The following ETV5 variants were observed in gnomAD, a reference collection of about 807,000 sequenced individuals.
The protein encoded by ETV5 is ETS variant transcription factor 5.
A neutral mutation model predicts 70.0 loss-of-function variants in ETV5; 10 were observed. The ratio of observed to expected loss-of-function variants is 0.14; its 90% CI spans 0.09 to 0.24. The LOEUF is 0.24. Among genes scored for constraint, ETV5 ranks in the 10% least tolerant of loss-of-function variants. The pLI is 1.00. For synonymous variants in ETV5, 216 were observed against 242.2 expected (o/e 0.89, Z 1.01); for missense variants, 453 against 651.2 (o/e 0.70, Z 3.31).
At chr3:186,107,342 G>A (rs1273809948) in intron 1 of ETV5, among the ~76,000 whole-genome samples, 1 of 152,282 alleles carries the variant, frequency 6.6e-6, no homozygotes, top group Non-Finnish European at 1.5e-5. Context: ...GCAGTGAGTT[G>A]AGGGGCATGA....
chr3:186,063,806 G>T (rs1484274300), intron 9 of ETV5, among the ~76,000 whole-genome samples: 1 of 151,978 alleles, frequency 6.6e-6, no homozygotes, highest in African/African-American at 2.4e-5. Context: ...CCCCCTCAAG[G>T]TTGGTGAAGA....
chr3:186,108,202 A>G (rs1452199200), intron 1 of ETV5, among the ~76,000 whole-genome samples: 3 of 134,212 alleles, frequency 2.2e-5, no homozygotes, highest in Admixed American at 8.6e-5. Context: ...CCACCCTCTG[A>G]AAATGCGGCC....
At chr3:186,055,218 A>G (rs896544491) in intron 11 of ETV5, among the ~76,000 whole-genome samples, 1 of 152,228 alleles carries the variant, frequency 6.6e-6, no homozygotes, top group African/African-American at 2.4e-5. Context: ...GGCAGTGGCA[A>G]TAAAATAATA....
chr3:186,058,585 G>A (rs912903720), intron 9 of ETV5, among the ~76,000 whole-genome samples: 2 of 152,112 alleles, frequency 1.3e-5, no homozygotes, highest in African/African-American at 4.8e-5. Flanking sequence ...GATTCACTGC[G>A]ACTTAAAAAA....
chr3:186,047,586 C>A lies in ETV5; in HGVS notation c.*1053G>T. Reference sequence around the variant, plus strand: ...GAATCTAAGCTTGTGTCCAGGCTGCCCTGCACACTTCAAAAATGTACAACT... The same window carrying A: ...GAATCTAAGCTTGTGTCCAGGCTGCACTGCACACTTCAAAAATGTACAACT... On this transcript the variant is annotated 3_prime_UTR_variant, in exon 13 of 13. Coordinates refer to ENST00000306376, the MANE Select transcript of ETV5 (RefSeq NM_004454.3). 1 of 232,172 alleles carries A rather than the reference C, an allele frequency of 4.3e-6. No homozygotes were observed. The highest frequency in any genetic ancestry group is 8.5e-6 in the Non-Finnish European group (1 of 117,226). The allele number at this position is 232,172 out of a possible 1,614,324, so 14.4% of individuals were successfully genotyped here.
chr3:186,060,893 C>T (rs1176694604), intron 9 of ETV5, among the ~76,000 whole-genome samples: 7 of 152,184 alleles, frequency 4.6e-5, no homozygotes. Flanking sequence ...TCCCCCACTC[C>T]CTCCTAGTTT....
intron 5 of ETV5, among the ~76,000 whole-genome samples, chr3:186,088,950 G>C (rs942533023): frequency 5.3e-5 from 8 of 152,222 alleles, no homozygotes; most frequent in Admixed American, 1.3e-4. Context: ...AAGTTCTACA[G>C]TATTACCAGA....
chr3:186,094,250 C>T (rs565094922), intron 5 of ETV5, among the ~76,000 whole-genome samples: 7 of 152,312 alleles, frequency 4.6e-5, no homozygotes, highest in African/African-American at 1.2e-4. Context: ...CTTCCGTCCA[C>T]GGGTGTAAAG....
In ETV5 at chr3:186,099,612, C is replaced by A. The variant is rs533556487; in HGVS notation, c.232+5693G>T. 2.0e-5 allele frequency among the ~76,000 whole-genome samples: 3 copies of A among 152,298 alleles called. No individual in the cohort carries two copies. The South Asian group carries it at 6.2e-4, about 32-fold the overall frequency. ...CAGTTTCTCGGCAGAGAATCACACA[C>A]CCCACCCCACCACCAAGAAACATTT... On this transcript the variant is annotated intron_variant, in intron 5 of 12. Transcript: ENST00000306376.
At position 186,047,171 on chromosome 3, in the gene ETV5, A is replaced by G. The variant is rs939348153; in HGVS notation, c.*1468T>C. The G allele has an allele frequency of 5.7e-5, 13 of 228,870 alleles. No individual in the cohort carries two copies. The highest frequency in any genetic ancestry group is 8.7e-5 in the Non-Finnish European group (10 of 115,082). 14.2% of individuals were successfully genotyped at this position (228,870 alleles called of 1,614,324 possible). ...CTACCAGCAGAGCAGGCAGCAAGGTACCACCAGTAACTTTTCCTCTACTTT... is the reference window on the plus strand; with the variant it reads ...CTACCAGCAGAGCAGGCAGCAAGGTGCCACCAGTAACTTTTCCTCTACTTT... On this transcript the variant is annotated 3_prime_UTR_variant, in exon 13 of 13. Transcript: ENST00000306376.
chr3:186,074,599 T>C (rs1314769657), intron 7 of ETV5, among the ~76,000 whole-genome samples: 2 of 152,058 alleles, frequency 1.3e-5, no homozygotes, highest in Non-Finnish European at 2.9e-5. Flanking sequence ...AACTCACCAA[T>C]GTACAAAATA....
chr3:186,062,330 C>T (rs1363575367), intron 9 of ETV5, among the ~76,000 whole-genome samples: 2 of 152,224 alleles, frequency 1.3e-5, no homozygotes, highest in Non-Finnish European at 2.9e-5. Flanking sequence ...TTTCTCCTTT[C>T]TGAGTCTCGG....
In ETV5 at chr3:186,057,305, A is replaced by T; in HGVS notation, c.1040-61T>A. ...GTCCTAAGTTTCTCAGGTGGTTGGG[A>T]CAAAAAGGAGTTGTTCATGCTGATT... On this transcript the variant is annotated intron_variant, in intron 10 of 12. Transcript: ENST00000306376. The surrounding 1 kb of genome is among the most constrained non-coding windows in gnomAD (Gnocchi z 4.9). 1 of 1,609,930 alleles carries T rather than the reference A, an allele frequency of 6.2e-7. No homozygotes were observed. Among genetic ancestry groups the T allele is most frequent in the Non-Finnish European group, 8.5e-7 (1 of 1,176,688 alleles).
intron 11 of ETV5, among the ~76,000 whole-genome samples, chr3:186,053,245 G>T (rs1022261386): frequency 6.6e-6 from 1 of 152,106 alleles, no homozygotes; most frequent in Admixed American, 6.5e-5. Context: ...GGGATTACAG[G>T]TGTCCATTGT....
At position 186,079,867 on chromosome 3, in the gene ETV5, G is replaced by A. The variant is rs1209295166; in HGVS notation, c.600C>T (p.Pro200=). The A allele has an allele frequency of 6.2e-7, 1 of 1,610,714 alleles. No homozygotes were observed. Among genetic ancestry groups the A allele is most frequent in the Non-Finnish European group, 8.5e-7 (1 of 1,178,626 alleles). The change falls in exon 7 of 13, where the codon CCC becomes CCT. Residue 200 remains proline, a synonymous_variant. Coordinates refer to ENST00000306376, the MANE Select transcript of ETV5 (RefSeq NM_004454.3). ...TFAVPRPPHQ[P]LQMPKMMPEN... is the part of the protein sequence containing the mutation. Reference sequence around the variant, plus strand: ...CAGGCATCATCTTTGGCATCTGCAGGGGCTGATGTGGTGGTCGGGGGACCG... The same window carrying A: ...CAGGCATCATCTTTGGCATCTGCAGAGGCTGATGTGGTGGTCGGGGGACCG...
At chr3:186,070,849 G>A (rs1236480627) in intron 7 of ETV5, among the ~76,000 whole-genome samples, 4 of 152,178 alleles carry the variant, frequency 2.6e-5, no homozygotes, top group Non-Finnish European at 4.4e-5. Context: ...GGCACAGCCT[G>A]GTTCCTACCA....
chr3:186,085,627 GC>G (rs1714039734), intron 5 of ETV5, among the ~76,000 whole-genome samples: 1 of 150,276 alleles, frequency 6.7e-6, no homozygotes, highest in Non-Finnish European at 1.5e-5. Context: ...TCCTATCTCA[GC>G]CTCCCAAGCA....
chr3:186,101,019 G>A (rs1017036037), intron 5 of ETV5, among the ~76,000 whole-genome samples: 2 of 152,042 alleles, frequency 1.3e-5, no homozygotes, highest in Non-Finnish European at 1.5e-5. Flanking sequence ...ACCTTACCCC[G>A]ACTTTGAAAC....
intron 6 of ETV5, chr3:186,080,842 G>A (rs1295154134): frequency 1.5e-5 from 7 of 471,674 alleles, no homozygotes; most frequent in Non-Finnish European, 2.6e-5. Flanking sequence ...AGAGCCACAA[G>A]GTTTTTAATG....
Sources: gnomAD v4.1 joint callset for allele counts (sites outside exome capture counted in the v4.1 genomes callset) on GRCh38, gnomAD v4.1.1 for gene constraint, Gnocchi (gnomAD v3.1) non-coding constraint, MANE v1.5 for transcripts, NCBI Gene and HGNC (gene_info 2026-07-23, HGNC 2026-07-21) for gene names.